The following ZZEF1 variants were observed in gnomAD, a reference collection of about 807,000 sequenced individuals.
The protein encoded by ZZEF1 is zinc finger ZZ-type and EF-hand domain containing 1, also known as zinc finger ZZ-type and EF-hand domain-containing protein 1.
ZZEF1 carries 157 observed loss-of-function variants against 342.8 expected under a neutral mutation model. The ratio of observed to expected loss-of-function variants is 0.46; its 90% confidence interval spans 0.40 to 0.52. The LOEUF (loss-of-function observed/expected upper bound fraction) is 0.52, where lower values mean the gene tolerates loss of function less well. Among genes scored for constraint, ZZEF1 ranks in the 20% least tolerant of loss-of-function variants. The pLI is 0.00. For synonymous variants in ZZEF1, 1,505 were observed against 1,429.1 expected, an observed-to-expected ratio of 1.05 and a Z score of -1.20; for missense variants, 3,480 against 3,725.6, an observed-to-expected ratio of 0.93 and a Z score of 1.72.
chr17:4,046,633 T>C (rs180804423), intron 37 of ZZEF1, among the ~76,000 whole-genome samples: 2 of 152,298 alleles, frequency 1.3e-5, no homozygotes, highest in Admixed American at 1.3e-4. Flanking sequence ...TGTAAGACTG[T>C]CCTAAGAGAG....
intron 33 of ZZEF1, among the ~76,000 whole-genome samples, 172 bp downstream of exon 33, chr17:4,056,044 C>T (rs928496973): frequency 2.7e-4 from 41 of 152,232 alleles, no homozygotes; most frequent in African/African-American, 9.2e-4. Flanking sequence ...CGCTTGCCTG[C>T]TGCTCACAGC....
At position 4,006,399 on chromosome 17, in the gene ZZEF1, GC is replaced by G; in HGVS notation, c.*490del. The G allele has an allele frequency of 4.5e-6, 1 of 219,852 alleles. No homozygotes were observed. 13.6% of individuals were successfully genotyped at this position (219,852 alleles called of 1,614,324 possible). A position where few individuals can be genotyped will look rare whatever the true frequency, so the allele number is the denominator to read the frequency against. On this transcript the variant is annotated 3_prime_UTR_variant, in exon 55 of 55. Coordinates refer to ENST00000381638, the MANE Select transcript of ZZEF1 (RefSeq NM_015113.4). ...TGGGGATCACTGGTGGCTAGGAGGG[GC>G]TCTCGCCAGTTTTGGTTTGGTGTGA...
At chr17:4,070,306 C>T (rs560402334) in intron 26 of ZZEF1, among the ~76,000 whole-genome samples, 2 of 152,318 alleles carry the variant, frequency 1.3e-5, no homozygotes, top group East Asian at 3.9e-4. Flanking sequence ...ACCAATTTTA[C>T]AGATAAAGAA....
intron 1 of ZZEF1, among the ~76,000 whole-genome samples, chr17:4,129,987 A>C (rs1357904434): frequency 1.3e-5 from 2 of 152,178 alleles, no homozygotes; most frequent in African/African-American, 4.8e-5. Flanking sequence ...ACAAAGAAGA[A>C]ACAACGGACC....
In ZZEF1 at chr17:4,085,696, G is replaced by C; in HGVS notation, c.2620C>G (p.Arg874Gly). Residue 874 changes from arginine to glycine, a missense_variant, in exon 16 of 55, where the codon CGA (arginine) becomes GGA (glycine). Around this residue, in one of 5 missense-constraint regions of ZZEF1, gnomAD observed 1,528 missense variants for 1,624.1 expected, o/e 0.94. Transcript: ENST00000381638. Reference protein sequence around the residue: ...AAIFFPNRQTRRNHLFTMMNV... With the variant: ...AAIFFPNRQTGRNHLFTMMNV... ...ATCATGGTGAAGAGATGGTTCCGTC[G>C]GGTCTGTCGATTAGGAAAGAAGATG... The C allele has an allele frequency of 5.6e-6, 9 of 1,614,076 alleles. No individual in the cohort carries two copies. Among genetic ancestry groups the C allele is most frequent in the Non-Finnish European group, 7.6e-6 (9 of 1,179,986 alleles).
Position 4,085,843 on chromosome 17 carries a change from A to G in ZZEF1, c.2513-40T>C, listed in dbSNP as rs117744076. 2,517 of 1,609,020 alleles carry G rather than the reference A, an allele frequency of 1.6e-3. 6 individuals are homozygous for G. Among genetic ancestry groups the G allele is most frequent in the Non-Finnish European group, 1.9e-3 (2,274 of 1,177,734 alleles). On this transcript the variant is annotated intron_variant, in intron 15 of 54. Transcript: ENST00000381638. ...AATGGCATCAGCTTTCATATATTCC[A>G]TCTATTCGCTTATACATCTGCTATA...
At chr17:4,106,773 C>G (rs1348319045) in intron 6 of ZZEF1, among the ~76,000 whole-genome samples, 1 of 152,178 alleles carries the variant, frequency 6.6e-6, no homozygotes, top group African/African-American at 2.4e-5. Flanking sequence ...AGCAACTGTG[C>G]TAGGTGACTG....
At chr17:4,015,788 A>C (rs1327157947) in intron 49 of ZZEF1, among the ~76,000 whole-genome samples, 1 of 152,256 alleles carries the variant, frequency 6.6e-6, no homozygotes, top group Non-Finnish European at 1.5e-5. Context: ...AAGGGACTAC[A>C]TGGCCTTAAG....
At chr17:4,099,468 C>T in intron 9 of ZZEF1, among the ~76,000 whole-genome samples, 1 of 151,848 alleles carries the variant, frequency 6.6e-6, no homozygotes, top group East Asian at 1.9e-4. Context: ...GAAATCCTCC[C>T]ACCTCTGCCT....
intron 35 of ZZEF1, among the ~76,000 whole-genome samples, chr17:4,051,652 C>T (rs1282366768): frequency 6.6e-6 from 1 of 151,168 alleles, no homozygotes; most frequent in Non-Finnish European, 1.5e-5. Context: ...AACTCCTGAC[C>T]ACAGGAGTTC....
At chr17:4,025,438 G>C (rs778804843) in intron 42 of ZZEF1, among the ~76,000 whole-genome samples, 1 of 152,200 alleles carries the variant, frequency 6.6e-6, no homozygotes, top group Non-Finnish European at 1.5e-5. Context: ...TGTAATCCCA[G>C]CACTTTGGGA....
intron 1 of ZZEF1, among the ~76,000 whole-genome samples, chr17:4,127,679 CAG>C (rs1186527333): frequency 6.6e-6 from 1 of 152,048 alleles, no homozygotes; most frequent in Non-Finnish European, 1.5e-5. Context: ...TAGAAAATAC[CAG>C]GCACAACTGA....
intron 13 of ZZEF1, among the ~76,000 whole-genome samples, chr17:4,087,741 A>G (rs2057860013): frequency 6.6e-6 from 1 of 151,694 alleles, no homozygotes; most frequent in African/African-American, 2.4e-5. Context: ...TGTGTGTGTT[A>G]TATGTATGTA....
At chr17:4,085,369 T>C (rs575841824) in intron 16 of ZZEF1, among the ~76,000 whole-genome samples, 1 of 152,292 alleles carries the variant, frequency 6.6e-6, no homozygotes, top group East Asian at 1.9e-4. Context: ...TGAATTTGCC[T>C]ATAATACAAA....
intron 45 of ZZEF1, 93 bp downstream of exon 45, chr17:4,021,036 C>A: frequency 7.4e-7 from 1 of 1,350,676 alleles, no homozygotes; most frequent in Non-Finnish European, 1.0e-6. Context: ...CAGACAGAAG[C>A]ATTTTCATGT....
chr17:4,104,756 C>G lies in ZZEF1; in HGVS notation c.1450G>C (p.Gly484Arg). Residue 484 changes from glycine (G) to arginine (R), a missense_variant, in exon 8 of 55, where the codon GGA becomes CGA. This residue lies in a region of ZZEF1 where 1,528 missense variants were observed against 1,624.1 expected (regional missense o/e 0.94). Transcript: ENST00000381638. ...LTLLAFALAR[G>R]SVAKVMSSLC... Reference sequence around the variant, plus strand: ...GAGCTCATGACTTTGGCAACACTTCCTCTTGCGAGAGCAAAAGCCAGAAGA... The same window carrying G: ...GAGCTCATGACTTTGGCAACACTTCGTCTTGCGAGAGCAAAAGCCAGAAGA... 6.2e-7 allele frequency: 1 copy of G among 1,614,144 alleles called. No individual in the cohort carries two copies. Among genetic ancestry groups the G allele is most frequent in the East Asian group, 2.2e-5 (1 of 44,872 alleles).
rs1248190152 is a variant in ZZEF1, at chr17:4,013,624, A to G, written c.8414-10T>C. Reference sequence around the variant, plus strand: ...TTCAAAATCTCGAATCCTGGCCAACACCCCAAAACACGGATATATAAACAG... The same window carrying G: ...TTCAAAATCTCGAATCCTGGCCAACGCCCCAAAACACGGATATATAAACAG... On this transcript the variant is annotated splice_polypyrimidine_tract_variant and intron_variant, in intron 51 of 54. Coordinates refer to ENST00000381638, the MANE Select transcript of ZZEF1 (RefSeq NM_015113.4). 1.2e-6 allele frequency: 2 copies of G among 1,606,284 alleles called. No homozygotes were observed. Among genetic ancestry groups the G allele is most frequent in the African/African-American group, 2.7e-5 (2 of 74,712 alleles).
chr17:4,080,043 G>A (rs1021785464), intron 18 of ZZEF1, among the ~76,000 whole-genome samples: 3 of 152,090 alleles, frequency 2.0e-5, no homozygotes, highest in African/African-American at 7.2e-5. Flanking sequence ...CTAGTACAGG[G>A]GTGCTATCAC....
chr17:4,126,150 A>T (rs950950547), intron 1 of ZZEF1, among the ~76,000 whole-genome samples: 1 of 149,452 alleles, frequency 6.7e-6, no homozygotes, highest in South Asian at 2.1e-4. Context: ...GCTTGAACCC[A>T]GGAGGCAGAG....
Sources: allele counts gnomAD v4.1 joint callset (sites outside exome capture counted in the v4.1 genomes callset), GRCh38; gene constraint gnomAD v4.1.1; regional missense constraint gnomAD v4.1.1; transcripts MANE v1.5; gene names NCBI Gene and HGNC (gene_info 2026-07-23, HGNC 2026-07-21).